THSD7B: variants seen among roughly 807,000 people sequenced by gnomAD.
The protein encoded by THSD7B is thrombospondin type 1 domain containing 7B, also known as thrombospondin type-1 domain-containing protein 7B.
THSD7B carries 138 observed loss-of-function variants against 213.6 expected under a neutral mutation model. That is an observed-to-expected ratio of 0.65 (90% CI 0.56 to 0.74). The LOEUF (loss-of-function observed/expected upper bound fraction) is 0.74, where lower values mean the gene tolerates loss of function less well. THSD7B is among the 30% of genes least tolerant of loss of function. The pLI is 0.00. For synonymous variants in THSD7B, 742 were observed against 687.0 expected (o/e 1.08, Z -1.25); for missense variants, 1,931 against 1,991.5 (o/e 0.97, Z 0.58).
chr2:137,590,406 G>GCTGA (rs1558851817), intron 17 of THSD7B, among the ~76,000 whole-genome samples: 2 of 152,142 alleles, frequency 1.3e-5, no homozygotes, highest in African/African-American at 4.8e-5. Context: ...GGCTAGTATA[G>GCTGA]CTGACTATAA....
chr2:136,957,436 C>T (rs12691902), intron 2 of THSD7B, among the ~76,000 whole-genome samples: 53,359 of 131,698 alleles, frequency 0.41, 12,363 homozygotes, highest in Non-Finnish European at 0.54. Flanking sequence ...GCCAATACAA[C>T]GTTTTTTTTT....
At chr2:136,839,650 A>G (rs1411225281) in intron 1 of THSD7B, among the ~76,000 whole-genome samples, 1 of 152,206 alleles carries the variant, frequency 6.6e-6, no homozygotes, top group Non-Finnish European at 1.5e-5. Context: ...TATAAAGGGA[A>G]AAAACTTTCA....
intron 12 of THSD7B, among the ~76,000 whole-genome samples, chr2:137,284,948 A>G (rs561619930): frequency 9.2e-5 from 14 of 152,090 alleles, no homozygotes; most frequent in African/African-American, 2.4e-4. Flanking sequence ...TAATTCCTGG[A>G]TATCCTTGTT....
At chr2:136,800,965 A>G (rs1682167681) in intron 1 of THSD7B, among the ~76,000 whole-genome samples, 1 of 152,066 alleles carries the variant, frequency 6.6e-6, no homozygotes, top group Admixed American at 6.6e-5. Context: ...CAACACACCC[A>G]GAGTCACCTT....
At chr2:137,139,422 T>C (rs942766851) in intron 5 of THSD7B, among the ~76,000 whole-genome samples, 5 of 152,154 alleles carry the variant, frequency 3.3e-5, no homozygotes, top group Non-Finnish European at 7.3e-5. Flanking sequence ...AATTTGGATG[T>C]GGTAGAGAGC....
chr2:137,118,750 T>G (rs889294230), intron 5 of THSD7B, among the ~76,000 whole-genome samples: 2 of 151,978 alleles, frequency 1.3e-5, no homozygotes, highest in Non-Finnish European at 2.9e-5. Context: ...CTAAGTTGTA[T>G]TAGTCCATTT....
chr2:137,525,258 A>T (rs1680257321), intron 15 of THSD7B, among the ~76,000 whole-genome samples: 1 of 152,172 alleles, frequency 6.6e-6, no homozygotes, highest in African/African-American at 2.4e-5. Context: ...CACAATTTCT[A>T]GCTGTCTCTT....
At chr2:137,134,822 C>G (rs1451430707) in intron 5 of THSD7B, among the ~76,000 whole-genome samples, 1 of 152,118 alleles carries the variant, frequency 6.6e-6, no homozygotes, top group Non-Finnish European at 1.5e-5. Flanking sequence ...TTCTTTCTAC[C>G]CTTTTTCAGA....
chr2:137,025,521 A>G (rs779085078), intron 2 of THSD7B, among the ~76,000 whole-genome samples: 2 of 152,116 alleles, frequency 1.3e-5, no homozygotes, highest in Non-Finnish European at 2.9e-5. Flanking sequence ...ATAGTATACT[A>G]ATACCACTTC....
intron 12 of THSD7B, among the ~76,000 whole-genome samples, chr2:137,282,562 A>G (rs541535257): frequency 7.2e-5 from 11 of 152,254 alleles, no homozygotes; most frequent in African/African-American, 2.6e-4. Flanking sequence ...TCTTTAATCA[A>G]TCTTGAATTA....
At chr2:137,346,582 T>G (rs987378400) in intron 12 of THSD7B, among the ~76,000 whole-genome samples, 11 of 151,646 alleles carry the variant, frequency 7.3e-5, no homozygotes, top group South Asian at 2.1e-4. Context: ...CTCAAATTAT[T>G]TTTCTTCTTT....
chr2:136,822,765 T>A (rs748913130), intron 1 of THSD7B, among the ~76,000 whole-genome samples: 1 of 152,136 alleles, frequency 6.6e-6, no homozygotes, highest in Non-Finnish European at 1.5e-5. Context: ...ACGGAGCATG[T>A]TTGAAAGGGA....
intron 2 of THSD7B, among the ~76,000 whole-genome samples, chr2:137,037,035 T>G (rs1469547668): frequency 6.6e-6 from 1 of 152,218 alleles, no homozygotes; most frequent in Non-Finnish European, 1.5e-5. Context: ...TCTGACTCAG[T>G]GTTCCTAAAG....
intron 12 of THSD7B, among the ~76,000 whole-genome samples, chr2:137,312,127 A>C (rs62172660): frequency 6.6e-6 from 1 of 151,088 alleles, no homozygotes; most frequent in Non-Finnish European, 1.5e-5. Context: ...CTGTGAATCC[A>C]TCTGGTCCTG....
rs201685266 is a variant in THSD7B at position 137,655,576 on chromosome 2, G to A, written c.4021G>A (p.Ala1341Thr). ...MVHSGSISHA[A>T]GRVEDALCGE... Reference sequence around the variant, plus strand: ...CCACAGTGGTTCAATATCTCATGCAGCTGGACGTGTCGAGGATGCACTGTG... The same window carrying A: ...CCACAGTGGTTCAATATCTCATGCAACTGGACGTGTCGAGGATGCACTGTG... The change falls in exon 22 of 28, where the codon GCT (alanine) becomes ACT (threonine). Residue 1341 changes from alanine to threonine, a missense_variant. By Grantham distance (58) the Ala-to-Thr change is moderately conservative. Transcript: ENST00000409968. 2 of 1,612,816 alleles carry A rather than the reference G, an allele frequency of 1.2e-6. No individual in the cohort carries two copies. The highest frequency in any genetic ancestry group is 2.7e-5 in the African/African-American group (2 of 75,024).
Position 137,135,840 on chromosome 2 carries a change from A to G in THSD7B, c.1369+20547A>G, listed in dbSNP as rs868207084. On this transcript the variant is annotated intron_variant, in intron 5 of 27. Coordinates refer to ENST00000409968, the MANE Select transcript of THSD7B (RefSeq NM_001316349.2). The stretch of plus-strand genomic sequence containing the variant: ...AGAAAAGGAAGAAATGAAGAGTTAT[A>G]TGCTACACTAAAAAAAAAACACCTT... 2.7e-5 allele frequency among the ~76,000 whole-genome samples: 4 copies of G among 145,574 alleles called. 1 individual carries two copies. The highest frequency in any genetic ancestry group is 7.5e-5 in the African/African-American group (3 of 39,848).
intron 2 of THSD7B, among the ~76,000 whole-genome samples, chr2:137,023,191 C>G (rs1686478193): frequency 6.6e-6 from 1 of 152,184 alleles, no homozygotes; most frequent in Non-Finnish European, 1.5e-5. Flanking sequence ...TTAGCAACCA[C>G]TGGAAGCTGC....
At chr2:137,360,419 C>T (rs917289969) in intron 12 of THSD7B, among the ~76,000 whole-genome samples, 5 of 152,120 alleles carry the variant, frequency 3.3e-5, no homozygotes, top group African/African-American at 1.2e-4. Flanking sequence ...GCACTTCTTC[C>T]CCTGGGAAGC....
At chr2:137,060,207 T>G (rs541389262) in intron 3 of THSD7B, among the ~76,000 whole-genome samples, 1 of 152,166 alleles carries the variant, frequency 6.6e-6, no homozygotes, top group Non-Finnish European at 1.5e-5. Context: ...ATTTTTTAAT[T>G]GAGTTGTTTT....
Sources: allele counts gnomAD v4.1 joint callset (sites outside exome capture counted in the v4.1 genomes callset), GRCh38; gene constraint gnomAD v4.1.1; transcripts MANE v1.5; gene names NCBI Gene and HGNC (gene_info 2026-07-23, HGNC 2026-07-21).